The following OLA1 variants were observed in gnomAD, a reference collection of about 807,000 sequenced individuals.
OLA1 encodes Obg like ATPase 1.
In OLA1, 14 loss-of-function variants were observed where a neutral mutation model predicts 48.4. The observed-to-expected ratio is 0.29, with a 90% CI of 0.19 to 0.45. The LOEUF (loss-of-function observed/expected upper bound fraction) is 0.45. Among genes scored for constraint, OLA1 ranks in the 20% least tolerant of loss-of-function variants. OLA1 has a pLI of 1.00. For missense variants in OLA1, 325 were observed against 467.1 expected, an observed-to-expected ratio of 0.70 and a Z score of 2.80; for synonymous variants, 127 against 150.4, an observed-to-expected ratio of 0.84 and a Z score of 1.14.
At chr2:174,134,162 ATTGT>A (rs1307336802) in intron 5 of OLA1, among the ~76,000 whole-genome samples, 1 of 152,198 alleles carries the variant, frequency 6.6e-6, no homozygotes, top group Non-Finnish European at 1.5e-5. Context: ...ATGCACATAT[ATTGT>A]TTGAGTAACT....
intron 4 of OLA1, among the ~76,000 whole-genome samples, chr2:174,203,502 T>TATTA (rs1024661421): frequency 6.6e-6 from 1 of 151,294 alleles, no homozygotes; most frequent in Non-Finnish European, 1.5e-5. Context: ...GGTCTTGCTT[T>TATTA]ATTACCCAGG....
At chr2:174,098,537 T>C (rs1374316) in intron 7 of OLA1, among the ~76,000 whole-genome samples, 21,714 of 152,138 alleles carry the variant, frequency 0.14, 1,650 homozygotes, top group East Asian at 0.22. Flanking sequence ...TTTAATTTCA[T>C]TAAAGAAATT....
At chr2:174,119,484 T>A (rs952478199) in intron 7 of OLA1, among the ~76,000 whole-genome samples, 1 of 152,070 alleles carries the variant, frequency 6.6e-6, no homozygotes, top group South Asian at 2.1e-4. Flanking sequence ...CATACAGAAA[T>A]AGAAAATTGT....
chr2:174,234,007 C>T (rs148094294), intron 2 of OLA1, among the ~76,000 whole-genome samples: 283 of 152,292 alleles, frequency 1.9e-3, no homozygotes, highest in African/African-American at 6.5e-3. Flanking sequence ...CACTTATACA[C>T]AGATTATTTT....
intron 4 of OLA1, among the ~76,000 whole-genome samples, chr2:174,167,698 A>AT (rs1356110617): frequency 2.0e-5 from 3 of 152,220 alleles, no homozygotes; most frequent in African/African-American, 7.2e-5. Context: ...AATAATCAAT[A>AT]TAAGAATATG....
chr2:174,201,397 G>T (rs1168863083), intron 4 of OLA1, among the ~76,000 whole-genome samples: 2 of 152,280 alleles, frequency 1.3e-5, no homozygotes, highest in East Asian at 3.9e-4. Flanking sequence ...GAGTGCAGTG[G>T]CACAATCATG....
At chr2:174,231,852 T>C (rs1278781877) in intron 2 of OLA1, among the ~76,000 whole-genome samples, 1 of 152,242 alleles carries the variant, frequency 6.6e-6, no homozygotes, top group Non-Finnish European at 1.5e-5. Context: ...AAAGACATTT[T>C]GATCTATTCA....
chr2:174,211,598 T>G (rs78717261), intron 4 of OLA1, among the ~76,000 whole-genome samples: 20,337 of 152,138 alleles, frequency 0.13, 1,782 homozygotes, highest in Non-Finnish European at 0.2. Context: ...ATAATACATA[T>G]TCGCTTTTTT....
intron 7 of OLA1, among the ~76,000 whole-genome samples, chr2:174,093,896 C>A (rs2105347919): frequency 6.6e-6 from 1 of 152,276 alleles, no homozygotes; most frequent in Non-Finnish European, 1.5e-5. Context: ...AGTTTATAAT[C>A]AAAATATAAG....
intron 7 of OLA1, among the ~76,000 whole-genome samples, chr2:174,083,201 T>C (rs548447671): frequency 6.6e-6 from 1 of 152,290 alleles, no homozygotes; most frequent in South Asian, 2.1e-4. Context: ...ACAAAGGTTT[T>C]AATAGTTATT....
chr2:174,105,199 T>C (rs1685487977), intron 7 of OLA1, among the ~76,000 whole-genome samples: 1 of 151,332 alleles, frequency 6.6e-6, no homozygotes, highest in African/African-American at 2.4e-5. Context: ...AAAAAAAAGG[T>C]AGAAGAAAAA....
At chr2:174,165,277 C>T (rs1378639065) in intron 4 of OLA1, among the ~76,000 whole-genome samples, 1 of 151,972 alleles carries the variant, frequency 6.6e-6, no homozygotes, top group Admixed American at 6.6e-5. Context: ...ACAGCAAAAA[C>T]AAGGGTGGAA....
At chr2:174,129,066 A>G (rs1304696877) in intron 5 of OLA1, among the ~76,000 whole-genome samples, 4 of 152,204 alleles carry the variant, frequency 2.6e-5, no homozygotes, top group Non-Finnish European at 5.9e-5. Flanking sequence ...GTGAAACTGT[A>G]TAACTCCAAT....
intron 4 of OLA1, among the ~76,000 whole-genome samples, chr2:174,207,377 A>G (rs777462162): frequency 2.0e-5 from 3 of 152,238 alleles, no homozygotes; most frequent in Non-Finnish European, 2.9e-5. Context: ...ACAGAGGAAC[A>G]GTGATATAAA....
intron 5 of OLA1, among the ~76,000 whole-genome samples, chr2:174,139,420 A>G (rs1686386756): frequency 6.6e-6 from 1 of 152,220 alleles, no homozygotes; most frequent in Non-Finnish European, 1.5e-5. Flanking sequence ...GAAAGAAGAC[A>G]TTGTTGTTTA....
intron 4 of OLA1, among the ~76,000 whole-genome samples, chr2:174,163,711 AATATATATATATATATATATAT>A (rs58320338): frequency 0.013 from 455 of 34,344 alleles, 8 homozygotes; most frequent in South Asian, 0.025. Context: ...TAAATAAATA[AATATATATATATATATATATAT>A]ATATATATAT....
At chr2:174,145,571 T>C (rs1301266260) in intron 4 of OLA1, among the ~76,000 whole-genome samples, 2 of 152,192 alleles carry the variant, frequency 1.3e-5, no homozygotes, top group Admixed American at 1.3e-4. Context: ...TGTTGGTCTT[T>C]AATGTTTATC....
intron 4 of OLA1, among the ~76,000 whole-genome samples, chr2:174,220,188 T>C (rs1688468355): frequency 6.6e-6 from 1 of 152,192 alleles, no homozygotes; most frequent in East Asian, 1.9e-4. Context: ...ATCTTTAATA[T>C]GGTGAACTTA....
At chr2:174,125,858 T>C (rs1686033660) in intron 5 of OLA1, among the ~76,000 whole-genome samples, 1 of 152,182 alleles carries the variant, frequency 6.6e-6, no homozygotes, top group Non-Finnish European at 1.5e-5. Context: ...CAGTATTCCT[T>C]AAAGCCACAT....
Sources: allele counts gnomAD v4.1 joint callset (sites outside exome capture counted in the v4.1 genomes callset), GRCh38; gene constraint gnomAD v4.1.1; transcripts MANE v1.5; gene names NCBI Gene and HGNC (gene_info 2026-07-23, HGNC 2026-07-21).